The following FARS2 variants were observed in gnomAD, a reference collection of about 807,000 sequenced individuals.
The protein encoded by FARS2 is phenylalanine--tRNA ligase, mitochondrial.
FARS2 carries 40 observed loss-of-function variants against 46.4 expected under a neutral mutation model. The observed-to-expected ratio is 0.86, with a 90% CI of 0.67 to 1.12. FARS2 has a LOEUF of 1.12. Ranked by LOEUF, FARS2 falls within the 50% of genes most tolerant of loss-of-function variation. The pLI, the probability that FARS2 is intolerant of heterozygous loss-of-function variation, is 0.00. For missense variants in FARS2, 513 were observed against 567.9 expected (o/e 0.90, Z 0.98); for synonymous variants, 234 against 214.9 (o/e 1.09, Z -0.78).
chr6:5,555,107 C>T (rs377370292), intron 5 of FARS2, among the ~76,000 whole-genome samples: 1 of 152,090 alleles, frequency 6.6e-6, no homozygotes, highest in Non-Finnish European at 1.5e-5. Flanking sequence ...CCATACTGTT[C>T]TCGTGATAGT....
intron 2 of FARS2, among the ~76,000 whole-genome samples, chr6:5,378,238 G>A (rs1479210512): frequency 6.6e-6 from 1 of 151,860 alleles, no homozygotes; most frequent in Non-Finnish European, 1.5e-5. Context: ...AGACTTACAC[G>A]TTTGAGAACC....
intron 1 of FARS2, among the ~76,000 whole-genome samples, chr6:5,329,286 G>A (rs919100297): frequency 1.3e-5 from 2 of 152,128 alleles, no homozygotes; most frequent in Non-Finnish European, 2.9e-5. Flanking sequence ...ATCTTATTCA[G>A]TTTCTCCCAA....
chr6:5,705,315 G>C (rs1472806197), intron 6 of FARS2, among the ~76,000 whole-genome samples: 2 of 152,046 alleles, frequency 1.3e-5, no homozygotes, highest in Admixed American at 1.3e-4. Flanking sequence ...ATGCTCAGAG[G>C]AAAAGCAGAG....
In FARS2 at chr6:5,523,984, A is replaced by C. The variant is rs762772567; in HGVS notation, c.905-21196A>C. Reference sequence around the variant, plus strand: ...CTTCAAAGGGGTCATGTTTCCAAGAACATGATGAATTCTTAGTTTTTACCA... The same window carrying C: ...CTTCAAAGGGGTCATGTTTCCAAGACCATGATGAATTCTTAGTTTTTACCA... On this transcript the variant is annotated intron_variant, in intron 4 of 6. Coordinates refer to ENST00000274680, the MANE Select transcript of FARS2 (RefSeq NM_006567.5). Among the ~76,000 whole-genome samples, 578 of 152,280 alleles carry C rather than the reference A, an allele frequency of 3.8e-3. 6 individuals carry two copies. The highest frequency in any genetic ancestry group is 7.3e-3 in the Admixed American group (112 of 15,288).
intron 6 of FARS2, among the ~76,000 whole-genome samples, chr6:5,652,844 G>A (rs373681322): frequency 1.3e-5 from 2 of 152,322 alleles, no homozygotes; most frequent in East Asian, 1.9e-4. Flanking sequence ...CCTCCTGGCT[G>A]CAGGTAATGG....
At chr6:5,709,767 T>A (rs756016900) in intron 6 of FARS2, among the ~76,000 whole-genome samples, 4 of 151,286 alleles carry the variant, frequency 2.6e-5, no homozygotes, top group Non-Finnish European at 4.4e-5. Context: ...TGTGTGTGTG[T>A]GAGATTCTGA....
intron 6 of FARS2, among the ~76,000 whole-genome samples, chr6:5,674,813 A>G (rs1278075898): frequency 6.6e-6 from 1 of 152,136 alleles, no homozygotes; most frequent in African/African-American, 2.4e-5. Context: ...ATACTTCCAT[A>G]TTTGGAACTG....
At chr6:5,404,869 G>A (rs892081491) in intron 3 of FARS2, among the ~76,000 whole-genome samples, 168 bp downstream of exon 3, 17 of 149,230 alleles carry the variant, frequency 1.1e-4, no homozygotes, top group Non-Finnish European at 1.6e-4. Flanking sequence ...GTGCGATCTC[G>A]GCTCACTGCA....
At chr6:5,544,812 C>T (rs867279302) in intron 4 of FARS2, among the ~76,000 whole-genome samples, 1 of 152,168 alleles carries the variant, frequency 6.6e-6, no homozygotes, top group African/African-American at 2.4e-5. Context: ...CAGAGACCGT[C>T]TTTTCTTTCC....
At chr6:5,293,860 G>T (rs1464730395) in intron 1 of FARS2, among the ~76,000 whole-genome samples, 1 of 152,206 alleles carries the variant, frequency 6.6e-6, no homozygotes. Flanking sequence ...TGGGTGATTA[G>T]AATTCTTTTT....
chr6:5,346,524 A>G (rs942009397), intron 1 of FARS2, among the ~76,000 whole-genome samples: 4 of 152,190 alleles, frequency 2.6e-5, no homozygotes, highest in Non-Finnish European at 5.9e-5. Context: ...TTTGACATTC[A>G]GGGTTAGATC....
intron 1 of FARS2, among the ~76,000 whole-genome samples, chr6:5,329,780 G>C (rs536280679): frequency 4.6e-5 from 7 of 152,286 alleles, no homozygotes; most frequent in Non-Finnish European, 1.0e-4. Flanking sequence ...AGTGCTCTGG[G>C]TGTGATGCCT....
At chr6:5,259,329 G>C (rs957074408), upstream of FARS2, among the ~76,000 whole-genome samples, 1 of 150,832 alleles carries the variant, frequency 6.6e-6, no homozygotes, top group Non-Finnish European at 1.5e-5. Flanking sequence ...TAGGTGTTTG[G>C]TTAATTCTTG....
intron 4 of FARS2, among the ~76,000 whole-genome samples, chr6:5,433,180 T>A (rs1416053042): frequency 6.6e-6 from 1 of 151,938 alleles, no homozygotes; most frequent in Admixed American, 6.5e-5. Context: ...CAGCTGTGTC[T>A]CTTTAGGCAG....
At chr6:5,530,440 ATGAT>A (rs1294325606) in intron 4 of FARS2, among the ~76,000 whole-genome samples, 2 of 152,140 alleles carry the variant, frequency 1.3e-5, no homozygotes, top group Non-Finnish European at 2.9e-5. Context: ...CTACAAGGAC[ATGAT>A]TGGCAAAAAT....
rs571379882 is a variant in FARS2, at chr6:5,599,633, G to A, written c.1066-13536G>A. The stretch of plus-strand genomic sequence containing the variant: ...CTGCTATACAATTCACCCATTTAAG[G>A]TCTGTAATTCAGTGGTGTTTTTTAG... On this transcript the variant is annotated intron_variant, in intron 5 of 6. Transcript: ENST00000274680. Among the ~76,000 whole-genome samples, 6 of 152,262 alleles carry A rather than the reference G, an allele frequency of 3.9e-5. No individual in the cohort carries two copies. In the East Asian group the frequency reaches 1.2e-3, roughly 29 times the overall value.
At chr6:5,371,613 A>C (rs1276081811) in intron 2 of FARS2, among the ~76,000 whole-genome samples, 1 of 152,194 alleles carries the variant, frequency 6.6e-6, no homozygotes, top group Non-Finnish European at 1.5e-5. Flanking sequence ...TAATCAATAG[A>C]TATTGAAAGT....
At chr6:5,307,548 C>T (rs2127542841) in intron 1 of FARS2, among the ~76,000 whole-genome samples, 1 of 152,310 alleles carries the variant, frequency 6.6e-6, no homozygotes, top group South Asian at 2.1e-4. Context: ...CTGTTTTCTG[C>T]AAGTTGCCAC....
chr6:5,627,334 C>G (rs899994775), intron 6 of FARS2, among the ~76,000 whole-genome samples: 3 of 151,944 alleles, frequency 2.0e-5, no homozygotes, highest in South Asian at 2.1e-4. Context: ...TTCACTTTCC[C>G]CTAAAGGAAA....
Sources: gnomAD v4.1 joint callset for allele counts (sites outside exome capture counted in the v4.1 genomes callset) on GRCh38, gnomAD v4.1.1 for gene constraint, MANE v1.5 for transcripts, NCBI Gene and HGNC (gene_info 2026-07-23, HGNC 2026-07-21) for gene names.